TOMM70: variants seen among roughly 807,000 people sequenced by gnomAD.
TOMM70 encodes translocase of outer mitochondrial membrane 70.
In TOMM70, 13 loss-of-function variants were observed where a neutral mutation model predicts 73.6. The ratio of observed to expected loss-of-function variants is 0.18; its 90% confidence interval spans 0.11 to 0.28. The LOEUF is 0.28. TOMM70 is among the 10% of genes least tolerant of loss of function. The pLI is 1.00. For synonymous variants in TOMM70, 257 were observed against 271.2 expected (o/e 0.95, Z 0.51); for missense variants, 609 against 747.5 (o/e 0.81, Z 2.16).
chr3:100,384,904 CAT>C (rs1261273563), intron 3 of TOMM70, among the ~76,000 whole-genome samples: 4 of 152,316 alleles, frequency 2.6e-5, no homozygotes, highest in Non-Finnish European at 4.4e-5. Flanking sequence ...GGCATATAAA[CAT>C]AGTGTGGCTC....
chr3:100,387,087 A>G, intron 1 of TOMM70, 109 bp from the exon 2 acceptor site: 3 of 1,138,052 alleles, frequency 2.6e-6, no homozygotes, highest in South Asian at 3.0e-5. Flanking sequence ...GGCTGTTTAC[A>G]ATGTAAGTTG....
chr3:100,386,370 G>C, intron 2 of TOMM70, 26 bp from the exon 3 acceptor site: 1 of 1,583,690 alleles, frequency 6.3e-7, no homozygotes, highest in Non-Finnish European at 8.6e-7. Context: ...TTTAAAAAAA[G>C]TCACACTAAA....
chr3:100,393,305 T>C (rs988284594), intron 1 of TOMM70, among the ~76,000 whole-genome samples: 12 of 152,158 alleles, frequency 7.9e-5, no homozygotes, highest in African/African-American at 2.2e-4. Flanking sequence ...GCAACTTAGA[T>C]GGATTTGGAG....
chr3:100,384,537 A>G lies in TOMM70; in HGVS notation c.677T>C (p.Leu226Pro). 1.2e-6 allele frequency: 2 copies of G among 1,611,018 alleles called. No homozygotes were observed. Among genetic ancestry groups the G allele is most frequent in the Non-Finnish European group, 1.7e-6 (2 of 1,179,078 alleles). Residue 226 changes from leucine to proline, a missense_variant, in exon 4 of 12, where the codon CTG becomes CCG. By Grantham distance (98) the Leu-to-Pro change is moderately conservative (BLOSUM62 -3). This residue lies in a region of TOMM70 where 432 missense variants were observed against 584.1 expected (regional missense o/e 0.74). Transcript: ENST00000284320. Reference sequence around the variant, plus strand: ...GAGTTTAAGAACTTTATCGGCTAACAGCATGCTTTGTTGATTTTGGAACCC... The same window carrying G: ...GAGTTTAAGAACTTTATCGGCTAACGGCATGCTTTGTTGATTTTGGAACCC... ...LEGFQNQQSM[L>P]LADKVLKLLG...
At chr3:100,385,782 A>G (rs955739936) in intron 3 of TOMM70, among the ~76,000 whole-genome samples, 2 of 152,224 alleles carry the variant, frequency 1.3e-5, no homozygotes, top group Admixed American at 6.5e-5. Flanking sequence ...GAAAATACCA[A>G]GGGCACAAAA....
At chr3:100,391,244 A>T (rs1706757964) in intron 1 of TOMM70, among the ~76,000 whole-genome samples, 1 of 152,152 alleles carries the variant, frequency 6.6e-6, no homozygotes, top group East Asian at 1.9e-4. Flanking sequence ...CATATACTAT[A>T]CTTTTTGTTA....
chr3:100,398,383 C>CAAAAA lies in TOMM70; in HGVS notation c.324+2238_324+2242dup, dbSNP rs397970636. ...TGGGTGACAGGGTTAGACGCTGTCT[C>CAAAAA]AAAAAAAAAAAAAAAAAAAAATTTA... is the stretch of plus-strand genomic sequence containing the variant. On this transcript the variant is annotated intron_variant, in intron 1 of 11. Coordinates refer to ENST00000284320, the MANE Select transcript of TOMM70 (RefSeq NM_014820.5). 6.1e-5 allele frequency among the ~76,000 whole-genome samples: 6 copies of CAAAAA among 97,976 alleles called. No individual in the cohort carries two copies. In the East Asian group the frequency reaches 7.7e-4, roughly 13 times the overall value. 64.3% of individuals were successfully genotyped at this position (97,976 alleles called of 152,430 possible).
In TOMM70 at chr3:100,386,228, T is replaced by C. The variant is rs755287731; in HGVS notation, c.615A>G (p.Glu205=). 1.9e-6 allele frequency: 3 copies of C among 1,609,740 alleles called. No individual in the cohort carries two copies. The highest frequency in any genetic ancestry group is 1.7e-6 in the Non-Finnish European group (2 of 1,178,262). ...KAHEKLDNKK[E]CLEDVTAVCI... is the part of the protein sequence containing the mutation. ...CAAAATTACCCTCACCTTCTAAACATTCCTTCTTATTGTCTAGCTTCTCAT... is the reference window on the plus strand; with the variant it reads ...CAAAATTACCCTCACCTTCTAAACACTCCTTCTTATTGTCTAGCTTCTCAT... The change falls in exon 3 of 12, where the codon GAA becomes GAG. Residue 205 remains glutamate, a synonymous_variant. Transcript: ENST00000284320.
intron 6 of TOMM70, chr3:100,377,427 A>G: frequency 5.6e-6 from 2 of 355,482 alleles, no homozygotes; most frequent in South Asian, 6.8e-5. Flanking sequence ...CTGCCCAAAT[A>G]CAGTCCAATA....
chr3:100,394,938 T>A (rs922260465), intron 1 of TOMM70, among the ~76,000 whole-genome samples: 1 of 152,206 alleles, frequency 6.6e-6, no homozygotes, highest in African/African-American at 2.4e-5. Context: ...ATTTTAAAAA[T>A]GACAACCAAC....
intron 1 of TOMM70, among the ~76,000 whole-genome samples, chr3:100,396,623 A>C (rs977580579): frequency 6.6e-6 from 1 of 152,198 alleles, no homozygotes; most frequent in East Asian, 1.9e-4. Flanking sequence ...ACTATGGATA[A>C]TATGATCTTC....
rs1032481405 is a variant in TOMM70 at position 100,382,252 on chromosome 3, T to C, written c.736-489A>G. ...ACCCAAAAGGCTCTCATAATGTATT[T>C]TGAATGCTTTATCTATAAAATTCAG... On this transcript the variant is annotated intron_variant, in intron 4 of 11. Coordinates refer to ENST00000284320, the MANE Select transcript of TOMM70 (RefSeq NM_014820.5). 6.6e-5 allele frequency among the ~76,000 whole-genome samples: 10 copies of C among 152,364 alleles called. 1 individual carries two copies. The highest frequency in any genetic ancestry group is 1.9e-4 in the African/African-American group (8 of 41,590).
chr3:100,372,435 G>A (rs1043000923), intron 9 of TOMM70, 171 bp downstream of exon 9: 3 of 477,198 alleles, frequency 6.3e-6, no homozygotes, highest in Non-Finnish European at 1.1e-5. Context: ...TGTAACAAAG[G>A]AGCCTCTTCT....
intron 3 of TOMM70, among the ~76,000 whole-genome samples, chr3:100,385,011 C>A (rs1706674282): frequency 6.6e-6 from 1 of 152,210 alleles, no homozygotes; most frequent in South Asian, 2.1e-4. Context: ...GCCTCAATAC[C>A]ATTTTCATCT....
chr3:100,384,675 A>T (rs1706670177), intron 3 of TOMM70, 87 bp from the exon 4 acceptor site: 1 of 863,930 alleles, frequency 1.2e-6, no homozygotes, highest in African/African-American at 1.7e-5. Context: ...TAACTACAGA[A>T]AGCCAAACTA....
chr3:100,398,137 A>T (rs1303890085), intron 1 of TOMM70, among the ~76,000 whole-genome samples: 1 of 151,954 alleles, frequency 6.6e-6, no homozygotes, highest in African/African-American at 2.4e-5. Flanking sequence ...AATTCCTAGC[A>T]CTTTGGGAGG....
intron 11 of TOMM70, 136 bp downstream of exon 11, chr3:100,367,908 C>A (rs1706463614): frequency 2.1e-6 from 2 of 953,392 alleles, no homozygotes; most frequent in Admixed American, 7.7e-5. Context: ...TGCCTTAGCA[C>A]ATTTTTTTTT....
intron 11 of TOMM70, among the ~76,000 whole-genome samples, chr3:100,366,272 T>TACTCAATAA (rs1385362871): frequency 9.9e-5 from 15 of 152,242 alleles, no homozygotes; most frequent in African/African-American, 3.6e-4. Flanking sequence ...TCCTCACACC[T>TACTCAATAA]ACTCAATAAA....
Position 100,365,569 on chromosome 3 carries a change from A to G in TOMM70, c.1822T>C (p.Leu608=), listed in dbSNP as rs552302173. 2.3e-4 allele frequency: 366 copies of G among 1,614,126 alleles called. 3 individuals carry two copies. In the South Asian group the frequency reaches 3.4e-3, roughly 15 times the overall value. The part of the protein sequence containing the change: ...AKKYGLKPPT[L] ...CAGTCTGCTTTCCCCCTGTTTTATA[A>G]TGTTGGTGGTTTTAATCCGTATTTC... is the stretch of plus-strand genomic sequence containing the variant. The change falls in exon 12 of 12, where the codon TTA becomes CTA. Residue 608 remains leucine (L), a synonymous_variant. Coordinates refer to ENST00000284320, the MANE Select transcript of TOMM70 (RefSeq NM_014820.5).
Sources: gnomAD v4.1 joint callset for allele counts (sites outside exome capture counted in the v4.1 genomes callset) on GRCh38, gnomAD v4.1.1 for gene constraint, gnomAD v4.1.1 regional missense constraint, MANE v1.5 for transcripts, NCBI Gene and HGNC (gene_info 2026-07-23, HGNC 2026-07-21) for gene names.